The following CFHR4 variants were observed in gnomAD, a reference collection of about 807,000 sequenced individuals.
The protein encoded by CFHR4 is complement factor H related 4, also known as complement factor H-related protein 4.
Under a neutral mutation model 69.3 loss-of-function variants are expected in CFHR4, and 64 were observed. The observed-to-expected ratio is 0.92, with a 90% confidence interval of 0.76 to 1.14. CFHR4 has a LOEUF of 1.14. CFHR4 is among the 50% of genes most tolerant of loss of function. CFHR4 has a pLI of 0.00. For synonymous variants in CFHR4, 244 were observed against 237.0 expected (o/e 1.03, Z -0.27); for missense variants, 636 against 684.9 (o/e 0.93, Z 0.80).
chr1:196,897,590 T>A (rs1657382106), intron 1 of CFHR4, among the ~76,000 whole-genome samples: 1 of 151,144 alleles, frequency 6.6e-6, no homozygotes, highest in Admixed American at 6.6e-5. Context: ...GGGGATGGAG[T>A]GGGAAGGTGG....
chr1:196,918,083 T>G (rs151321650), intron 9 of CFHR4, 127 bp from the exon 10 acceptor site: 19,885 of 1,050,408 alleles, frequency 0.019, 279 homozygotes, highest in Non-Finnish European at 0.023. Context: ...TAGCACAAAT[T>G]AATAACTATT....
intron 6 of CFHR4, among the ~76,000 whole-genome samples, chr1:196,911,345 A>T (rs938431306): frequency 6.6e-6 from 1 of 151,600 alleles, no homozygotes; most frequent in Non-Finnish European, 1.5e-5. Context: ...ACTACGGATT[A>T]AAGTAACATT....
At chr1:196,902,088 G>T (rs1472148109) in intron 1 of CFHR4, among the ~76,000 whole-genome samples, 1 of 151,424 alleles carries the variant, frequency 6.6e-6, no homozygotes, top group Non-Finnish European at 1.5e-5. Flanking sequence ...ATTTCTGATG[G>T]GATGGAACAG....
rs200339924 is a variant in CFHR4, at chr1:196,902,477, C to A, written c.118C>A (p.Arg40Ser). The A allele has an allele frequency of 3.1e-6, 5 of 1,611,722 alleles. 1 individual carries two copies. The African/African-American group carries it at 4.0e-5, about 13-fold the overall frequency. Residue 40 changes from arginine to serine, a missense_variant, in exon 2 of 10, where the codon CGT becomes AGT. Physicochemically the swap from Arg to Ser is moderately radical, Grantham distance 110. Around this residue, in one of 3 missense-constraint regions of CFHR4, gnomAD observed 529 missense variants for 533.2 expected, o/e 0.99. Transcript: ENST00000608469. The part of the protein sequence containing the change: ...QHGGLYYKSL[R>S]RLYFPAAAGQ... Reference sequence around the variant, plus strand: ...TGGAGGTCTATATTATAAGAGTTTGCGTAGACTATACTTTCCAGCAGCTGC... The same window carrying A: ...TGGAGGTCTATATTATAAGAGTTTGAGTAGACTATACTTTCCAGCAGCTGC...
chr1:196,912,227 C>G (rs758144146), intron 6 of CFHR4, among the ~76,000 whole-genome samples: 8 of 151,196 alleles, frequency 5.3e-5, no homozygotes, highest in Non-Finnish European at 1.2e-4. Flanking sequence ...CTCTCAAACA[C>G]CACGTCTATA....
chr1:196,898,403 T>C (rs1164775649), intron 1 of CFHR4, among the ~76,000 whole-genome samples: 3 of 151,642 alleles, frequency 2.0e-5, no homozygotes, highest in Admixed American at 6.6e-5. Context: ...TTCAATATTT[T>C]AGTATATGGA....
chr1:196,905,182 G>A lies in CFHR4; in HGVS notation c.331G>A (p.Glu111Lys), dbSNP rs750720190. Residue 111 changes from glutamate to lysine, a missense_variant, in exon 3 of 10, where the codon GAA becomes AAA. This residue lies in a region of CFHR4 where 529 missense variants were observed against 533.2 expected (regional missense o/e 0.99). Coordinates refer to ENST00000608469, the MANE Select transcript of CFHR4 (RefSeq NM_001201550.3). Reference protein sequence around the residue: ...SESSSIYILNEETQYNCKPGY... With the variant: ...SESSSIYILNKETQYNCKPGY... ...ATCTTCCTCTATTTATATTTTAAAT[G>A]AAGAAACACAATATAATTGTAAACC... is the stretch of plus-strand genomic sequence containing the variant. The A allele has an allele frequency of 2.5e-6, 4 of 1,609,436 alleles. No individual in the cohort carries two copies. Among genetic ancestry groups the A allele is most frequent in the African/African-American group, 2.7e-5 (2 of 74,192 alleles).
In CFHR4 at chr1:196,918,285, A is replaced by T. The variant is rs771020245; in HGVS notation, c.1616A>T (p.Tyr539Phe). Residue 539 changes from tyrosine to phenylalanine, a missense_variant, in exon 10 of 10, where the codon TAT becomes TTT. Tyr to Phe is a conservative substitution (Grantham distance 22). This residue lies in a region of CFHR4 where 85 missense variants were observed against 79.0 expected (regional missense o/e 1.08). Transcript: ENST00000608469. The stretch of plus-strand genomic sequence containing the variant: ...AAAGGAAAAAGTGACATAAAATATT[A>T]TGCAAAAACAGGGGATACCATTGAA... ...QLKGKSDIKY[Y>F]AKTGDTIEFM... is the part of the protein sequence containing the mutation. 1.4e-4 allele frequency: 225 copies of T among 1,608,954 alleles called. 3 individuals carry two copies. Among genetic ancestry groups the T allele is most frequent in the Admixed American group, 2.3e-4 (14 of 59,854 alleles).
At position 196,900,353 on chromosome 1, in the gene CFHR4, T is replaced by C. The variant is rs574030456; in HGVS notation, c.59-2065T>C. Among the ~76,000 whole-genome samples, 7 of 140,974 alleles carry C rather than the reference T, an allele frequency of 5.0e-5. No individual in the cohort carries two copies. The South Asian group carries it at 1.6e-3, about 32-fold the overall frequency. 92.5% of individuals were successfully genotyped at this position (140,974 alleles called of 152,430 possible). ...TTTTTTTTGCTTTAGAGAACTACCA[T>C]ATGAGAAAGATAAAAATGGTTTAAA... On this transcript the variant is annotated intron_variant, in intron 1 of 9. Transcript: ENST00000608469.
Position 196,915,144 on chromosome 1 carries a change from T to C in CFHR4, c.1540+6T>C. On this transcript the variant is annotated splice_donor_region_variant and intron_variant, in intron 9 of 9. Transcript: ENST00000608469. The stretch of plus-strand genomic sequence containing the variant: ...GGAACCACCAAGATGCATACGTAAG[T>C]TCTTAAAATTCTAGATCCTGAGAAA... 4.4e-6 allele frequency: 7 copies of C among 1,604,300 alleles called. No individual in the cohort carries two copies. Among genetic ancestry groups the C allele is most frequent in the Non-Finnish European group, 6.0e-6 (7 of 1,174,024 alleles).
Position 196,906,938 on chromosome 1 carries a change from G to C in CFHR4, c.517G>C (p.Asp173His). ...GMWFKLHDTL[D>H]YECYDGYESS... Reference sequence around the variant, plus strand: ...GTGGTTTAAGCTCCATGACACATTGGACTATGAATGCTATGATGGATATGA... The same window carrying C: ...GTGGTTTAAGCTCCATGACACATTGCACTATGAATGCTATGATGGATATGA... The change falls in exon 4 of 10, where the codon GAC becomes CAC. Residue 173 changes from aspartate to histidine, a missense_variant. Transcript: ENST00000608469. 6.2e-7 allele frequency: 1 copy of C among 1,612,442 alleles called. No individual in the cohort carries two copies. Among genetic ancestry groups the C allele is most frequent in the East Asian group, 2.2e-5 (1 of 44,786 alleles).
intron 6 of CFHR4, among the ~76,000 whole-genome samples, 173 bp downstream of exon 6, chr1:196,910,651 C>T (rs909671440): frequency 2.6e-5 from 4 of 151,336 alleles, no homozygotes; most frequent in African/African-American, 9.8e-5. Context: ...ATGAAAATCA[C>T]ATGAGAAATA....
At chr1:196,892,367 G>A (rs1480845190) in intron 1 of CFHR4, among the ~76,000 whole-genome samples, 1 of 151,540 alleles carries the variant, frequency 6.6e-6, no homozygotes, top group Non-Finnish European at 1.5e-5. Context: ...AAATGGTTGA[G>A]AGAAGATGAT....
chr1:196,903,386 C>A (rs764004730), intron 2 of CFHR4, among the ~76,000 whole-genome samples: 1 of 151,192 alleles, frequency 6.6e-6, no homozygotes, highest in Non-Finnish European at 1.5e-5. Context: ...GGCGCAGTGG[C>A]TCAGTCCTGT....
At position 196,894,123 on chromosome 1, in the gene CFHR4, T is replaced by G. The variant is rs1021968052; in HGVS notation, c.58+5915T>G. 2.0e-5 allele frequency among the ~76,000 whole-genome samples: 3 copies of G among 151,624 alleles called. 1 individual carries two copies. The highest frequency in any genetic ancestry group is 4.2e-4 in the South Asian group (2 of 4,810). On this transcript the variant is annotated intron_variant, in intron 1 of 9. Coordinates refer to ENST00000608469, the MANE Select transcript of CFHR4 (RefSeq NM_001201550.3). ...TATAGAAAAACTGCTCTATCCCCCC[T>G]TTTCCGTTGTTAATGTCACAGAATT...
intron 2 of CFHR4, among the ~76,000 whole-genome samples, chr1:196,904,651 C>A (rs1193118630): frequency 6.6e-6 from 1 of 151,424 alleles, no homozygotes; most frequent in African/African-American, 2.4e-5. Flanking sequence ...CTTAAGATGA[C>A]AACTATTTTA....
At chr1:196,888,382 C>T (rs1415734617) in intron 1 of CFHR4, among the ~76,000 whole-genome samples, 174 bp downstream of exon 1, 1 of 150,972 alleles carries the variant, frequency 6.6e-6, no homozygotes, top group Admixed American at 6.6e-5. Context: ...GAAAAAATAT[C>T]TCATAATTTA....
Position 196,918,217 on chromosome 1 carries a change from T to C in CFHR4, c.1548T>C (p.Cys516=), listed in dbSNP as rs773482727. 12 of 1,603,498 alleles carry C rather than the reference T, an allele frequency of 7.5e-6. No homozygotes were observed. The highest frequency in any genetic ancestry group is 1.7e-5 in the Admixed American group (1 of 59,568). The change falls in exon 10 of 10, where the codon TGT becomes TGC. Residue 516 remains cysteine (C), a synonymous_variant. Transcript: ENST00000608469. Reference sequence around the variant, plus strand: ...TTCTTTTTCTGCTTTCAGATCCATGTATAATAACTGAAGAAAACATGAATA... The same window carrying C: ...TTCTTTTTCTGCTTTCAGATCCATGCATAATAACTGAAGAAAACATGAATA... The part of the protein sequence containing the change: ...WSEPPRCIHP[C]IITEENMNKN...
At chr1:196,905,968 C>A (rs1254094692) in intron 3 of CFHR4, among the ~76,000 whole-genome samples, 1 of 151,328 alleles carries the variant, frequency 6.6e-6, no homozygotes, top group Non-Finnish European at 1.5e-5. Context: ...CAATGGAAAC[C>A]TTGCAGTGGC....
Sources: gnomAD v4.1 joint callset for allele counts (sites outside exome capture counted in the v4.1 genomes callset) on GRCh38, gnomAD v4.1.1 for gene constraint, gnomAD v4.1.1 regional missense constraint, MANE v1.5 for transcripts, NCBI Gene and HGNC (gene_info 2026-07-23, HGNC 2026-07-21) for gene names.